The following SPTLC2 variants were observed in gnomAD, a reference collection of about 807,000 sequenced individuals.
SPTLC2 encodes the protein serine palmitoyltransferase long chain base subunit 2, also known as serine palmitoyltransferase 2.
A neutral mutation model predicts 62.0 loss-of-function variants in SPTLC2; 21 were observed. The observed-to-expected ratio is 0.34, with a 90% CI of 0.24 to 0.49. The LOEUF (loss-of-function observed/expected upper bound fraction) is 0.49. Among genes scored for constraint, SPTLC2 ranks in the 20% least tolerant of loss-of-function variants. The pLI is 0.99. For synonymous variants in SPTLC2, 261 were observed against 261.8 expected (o/e 1.00, Z 0.03); for missense variants, 511 against 713.0 (o/e 0.72, Z 3.23).
chr14:77,577,091 AATAGTG>A (rs2079720548), intron 3 of SPTLC2, among the ~76,000 whole-genome samples, 176 bp from the exon 4 acceptor site: 1 of 152,166 alleles, frequency 6.6e-6, no homozygotes, highest in Non-Finnish European at 1.5e-5. Flanking sequence ...TTCATTTATT[AATAGTG>A]ATAAAGATTT....
intron 4 of SPTLC2, among the ~76,000 whole-genome samples, chr14:77,576,469 T>A (rs558452101): frequency 1.3e-5 from 2 of 152,168 alleles, no homozygotes; most frequent in African/African-American, 4.8e-5. Context: ...TCTTAACCAC[T>A]AACATTTGCA....
chr14:77,518,405 G>A (rs1463885965), intron 10 of SPTLC2, among the ~76,000 whole-genome samples: 2 of 152,030 alleles, frequency 1.3e-5, no homozygotes, highest in Admixed American at 1.3e-4. Context: ...TAACCAGCCT[G>A]GGCAACATGG....
chr14:77,552,114 GC>G lies in SPTLC2; in HGVS notation c.1284del (p.Gln429ArgfsTer14). Reference protein sequence around the residue: ...QIITSMKCIMGQDGTSLGKEC... With the variant: ...QIITSMKCIMXQDGTSLGKEC... ...GACTTACCAAGGCTGGTGCCATCCT[GC>G]CCCATGATGCACTTCATGGAGGTGA... is the stretch of plus-strand genomic sequence containing the variant. On this transcript the variant is annotated frameshift_variant, in exon 9 of 12. Coordinates refer to ENST00000216484, the MANE Select transcript of SPTLC2 (RefSeq NM_004863.4). LOFTEE classifies it high-confidence loss of function. 1 of 1,614,082 alleles carries G rather than the reference GC, an allele frequency of 6.2e-7. No homozygotes were observed. The highest frequency in any genetic ancestry group is 8.5e-7 in the Non-Finnish European group (1 of 1,180,022).
chr14:77,531,490 T>TCCCCCCCCC (rs1566770811), intron 9 of SPTLC2, among the ~76,000 whole-genome samples: 1 of 66,474 alleles, frequency 1.5e-5, no homozygotes, highest in Non-Finnish European at 2.8e-5. Flanking sequence ...CCCCTCCTCC[T>TCCCCCCCCC]CCTCCTCCTC....
intron 2 of SPTLC2, 100 bp downstream of exon 2, chr14:77,597,086 A>T: frequency 8.4e-7 from 1 of 1,189,852 alleles, no homozygotes; most frequent in Non-Finnish European, 1.2e-6. Flanking sequence ...GTTTAATTTT[A>T]ATGTGTACCC....
At chr14:77,592,439 G>A (rs370010604) in intron 2 of SPTLC2, among the ~76,000 whole-genome samples, 10 of 152,152 alleles carry the variant, frequency 6.6e-5, no homozygotes, top group South Asian at 4.2e-4. Context: ...CCGGCTGTAC[G>A]CTACTTTTTG....
intron 9 of SPTLC2, among the ~76,000 whole-genome samples, chr14:77,548,652 A>G (rs1334298630): frequency 6.6e-6 from 1 of 152,204 alleles, no homozygotes; most frequent in East Asian, 1.9e-4. Context: ...ATTCCCATTC[A>G]TTATTATCTC....
At chr14:77,545,515 C>T (rs1297878541) in intron 9 of SPTLC2, among the ~76,000 whole-genome samples, 1 of 152,134 alleles carries the variant, frequency 6.6e-6, no homozygotes, top group Non-Finnish European at 1.5e-5. Context: ...GTGATCCACC[C>T]GCCTCAGCTT....
At chr14:77,602,981 A>C (rs1039944601) in intron 1 of SPTLC2, among the ~76,000 whole-genome samples, 1 of 152,186 alleles carries the variant, frequency 6.6e-6, no homozygotes, top group East Asian at 1.9e-4. Flanking sequence ...TTTCAGGAAA[A>C]TTTTTTAAAA....
intron 6 of SPTLC2, among the ~76,000 whole-genome samples, chr14:77,558,288 C>T (rs565860843): frequency 1.3e-5 from 2 of 150,392 alleles, no homozygotes; most frequent in East Asian, 2.0e-4. Context: ...TCAGGTGATC[C>T]GCCTGCCTCG....
At chr14:77,540,356 A>T (rs192828477) in intron 9 of SPTLC2, among the ~76,000 whole-genome samples, 14 of 152,292 alleles carry the variant, frequency 9.2e-5, no homozygotes, top group Non-Finnish European at 1.6e-4. Flanking sequence ...TAAATTTAAC[A>T]CCACATTCTC....
intron 10 of SPTLC2, 107 bp from the exon 11 acceptor site, chr14:77,518,274 G>C (rs2079368632): frequency 2.0e-6 from 3 of 1,523,634 alleles, no homozygotes; most frequent in Non-Finnish European, 2.7e-6. Flanking sequence ...GCAGGCATTG[G>C]AGACTTCTAA....
chr14:77,525,176 C>T (rs2079402891), intron 9 of SPTLC2, among the ~76,000 whole-genome samples: 2 of 152,108 alleles, frequency 1.3e-5, no homozygotes, highest in African/African-American at 4.8e-5. Flanking sequence ...ATTCTGGCTA[C>T]TTGGGGGGCT....
At chr14:77,545,035 C>T (rs1226576819) in intron 9 of SPTLC2, among the ~76,000 whole-genome samples, 1 of 152,066 alleles carries the variant, frequency 6.6e-6, no homozygotes, top group African/African-American at 2.4e-5. Flanking sequence ...TTGCAGTCAT[C>T]CCTATGCTTA....
chr14:77,548,864 C>T lies in SPTLC2; in HGVS notation c.1303+3232G>A, dbSNP rs562807929. ...AGCTTTTCTGAAGGCTCTGTACTCT[C>T]ACCAAAGAGCAACATTTCTTCACAC... On this transcript the variant is annotated intron_variant, in intron 9 of 11. Transcript: ENST00000216484. Among the ~76,000 whole-genome samples the T allele has an allele frequency of 3.9e-5, 6 of 152,314 alleles. No individual in the cohort carries two copies. In the South Asian group the frequency reaches 1.2e-3, roughly 32 times the overall value.
chr14:77,536,475 T>C (rs2079471510), intron 9 of SPTLC2, among the ~76,000 whole-genome samples: 1 of 152,124 alleles, frequency 6.6e-6, no homozygotes, highest in Non-Finnish European at 1.5e-5. Flanking sequence ...ATTCACCCAT[T>C]TAAAGCACAC....
At chr14:77,609,824 G>A (rs979118157) in intron 1 of SPTLC2, among the ~76,000 whole-genome samples, 1 of 152,160 alleles carries the variant, frequency 6.6e-6, no homozygotes, top group African/African-American at 2.4e-5. Context: ...CCAGGAGGTG[G>A]AGGCTGCGGT....
intron 2 of SPTLC2, among the ~76,000 whole-genome samples, chr14:77,591,718 G>GTATA (rs1237937138): frequency 3.4e-5 from 5 of 145,364 alleles, no homozygotes; most frequent in African/African-American, 5.1e-5. Context: ...ATGTATGTAT[G>GTATA]TATGTATGTA....
intron 2 of SPTLC2, among the ~76,000 whole-genome samples, chr14:77,594,697 CCAAA>C (rs1396082221): frequency 6.6e-6 from 1 of 152,180 alleles, no homozygotes; most frequent in African/African-American, 2.4e-5. Context: ...CCAGATTCTC[CCAAA>C]CATTCTTCAT....
Sources: allele counts gnomAD v4.1 joint callset (sites outside exome capture counted in the v4.1 genomes callset), GRCh38; gene constraint gnomAD v4.1.1; transcripts MANE v1.5; gene names NCBI Gene and HGNC (gene_info 2026-07-23, HGNC 2026-07-21).